Variants in TRHDE observed in about 807,000 individuals in gnomAD.
TRHDE encodes the protein thyrotropin-releasing hormone-degrading ectoenzyme.
Under a neutral mutation model 125.7 loss-of-function variants are expected in TRHDE, and 72 were observed. The ratio of observed to expected loss-of-function variants is 0.57; its 90% CI spans 0.47 to 0.70. The LOEUF (loss-of-function observed/expected upper bound fraction) is 0.70, where lower values mean the gene tolerates loss of function less well. TRHDE is among the 30% of genes least tolerant of loss of function. The probability of loss-of-function intolerance (pLI) is 0.00; values close to 1 mark genes in which losing one functional copy is unlikely to be tolerated. For missense variants in TRHDE, 1,110 were observed against 1,327.1 expected (o/e 0.84, Z 2.54); for synonymous variants, 509 against 509.1 (o/e 1.00, Z 0.00).
intron 2 of TRHDE, among the ~76,000 whole-genome samples, chr12:72,192,988 C>G (rs923464082): frequency 1.3e-5 from 2 of 151,948 alleles, no homozygotes; most frequent in Admixed American, 6.6e-5. Context: ...GATAATTGCA[C>G]ATAAAATACT....
chr12:72,580,824 A>G (rs1014403816), intron 12 of TRHDE, among the ~76,000 whole-genome samples: 28 of 152,160 alleles, frequency 1.8e-4, no homozygotes, highest in African/African-American at 7.2e-5. Flanking sequence ...TGCATTTCTT[A>G]TTTTCAGTGA....
At chr12:72,389,486 A>G (rs902761983) in intron 3 of TRHDE, among the ~76,000 whole-genome samples, 3 of 152,226 alleles carry the variant, frequency 2.0e-5, no homozygotes, top group Admixed American at 6.5e-5. Context: ...TGACTAAACA[A>G]CAGAAGTATA....
intron 2 of TRHDE, among the ~76,000 whole-genome samples, chr12:72,167,810 A>G (rs1876785492): frequency 6.6e-6 from 1 of 152,214 alleles, no homozygotes; most frequent in Admixed American, 6.5e-5. Context: ...ATTATATCAA[A>G]TGTCCTACTT....
intron 12 of TRHDE, among the ~76,000 whole-genome samples, chr12:72,599,418 G>A (rs1012013325): frequency 2.0e-5 from 3 of 152,010 alleles, no homozygotes; most frequent in African/African-American, 7.2e-5. Context: ...TAGCCATTCT[G>A]ACATGTGAGA....
At chr12:72,196,252 C>T (rs912764866) in intron 2 of TRHDE, among the ~76,000 whole-genome samples, 2 of 151,920 alleles carry the variant, frequency 1.3e-5, no homozygotes, top group Non-Finnish European at 2.9e-5. Context: ...CTTTCTAGCT[C>T]CATGAAGAAT....
chr12:72,156,830 A>G (rs1199663435), intron 2 of TRHDE, among the ~76,000 whole-genome samples: 1 of 152,188 alleles, frequency 6.6e-6, no homozygotes, highest in Non-Finnish European at 1.5e-5. Context: ...GGCCCCAAGT[A>G]TAGGGAATGC....
At chr12:72,266,361 T>C (rs1879069456) in intron 2 of TRHDE, among the ~76,000 whole-genome samples, 1 of 151,912 alleles carries the variant, frequency 6.6e-6, no homozygotes, top group Non-Finnish European at 1.5e-5. Flanking sequence ...TTTGGATGCA[T>C]TGAAGAGGTA....
intron 15 of TRHDE, among the ~76,000 whole-genome samples, chr12:72,651,730 G>A (rs1014602102): frequency 6.6e-6 from 1 of 151,858 alleles, no homozygotes; most frequent in South Asian, 2.1e-4. Flanking sequence ...TTGGATCAAA[G>A]TCAAATTTTA....
chr12:72,124,559 T>A (rs980627928), intron 2 of TRHDE, among the ~76,000 whole-genome samples: 6 of 152,182 alleles, frequency 3.9e-5, no homozygotes, highest in Admixed American at 1.3e-4. Context: ...ACGTAAAGTC[T>A]GATAATGTCA....
At chr12:72,318,573 G>A (rs1029796191) in intron 2 of TRHDE, among the ~76,000 whole-genome samples, 7 of 152,050 alleles carry the variant, frequency 4.6e-5, no homozygotes, top group East Asian at 1.9e-4. Flanking sequence ...AGAACACCAC[G>A]GCCCAGCTGT....
intron 6 of TRHDE, among the ~76,000 whole-genome samples, chr12:72,508,517 T>A (rs1246664380): frequency 6.6e-6 from 1 of 152,222 alleles, no homozygotes; most frequent in African/African-American, 2.4e-5. Context: ...TTCAGCCAAT[T>A]TCTCCCTTTT....
At chr12:72,658,060 T>C (rs921642605) in intron 18 of TRHDE, among the ~76,000 whole-genome samples, 1 of 152,148 alleles carries the variant, frequency 6.6e-6, no homozygotes, top group African/African-American at 2.4e-5. Context: ...ACTAACTTGG[T>C]TTCTTTCACA....
chr12:72,158,187 G>A (rs1323204216), intron 2 of TRHDE, among the ~76,000 whole-genome samples: 1 of 151,946 alleles, frequency 6.6e-6, no homozygotes. Context: ...GAGGATATAG[G>A]CAATGAATTT....
chr12:72,207,604 T>A (rs1877695309), intron 2 of TRHDE, among the ~76,000 whole-genome samples: 1 of 152,158 alleles, frequency 6.6e-6, no homozygotes, highest in African/African-American at 2.4e-5. Flanking sequence ...TCTGGTAAAA[T>A]GTCTATGTTG....
At chr12:72,218,550 C>T (rs1266572131) in intron 2 of TRHDE, among the ~76,000 whole-genome samples, 2 of 152,054 alleles carry the variant, frequency 1.3e-5, no homozygotes, top group Non-Finnish European at 2.9e-5. Flanking sequence ...AATATATTCT[C>T]TCAGAATTTT....
chr12:72,660,624 A>G (rs150950105), intron 18 of TRHDE, among the ~76,000 whole-genome samples: 4,175 of 152,284 alleles, frequency 0.027, 104 homozygotes, highest in Non-Finnish European at 0.041. Context: ...TAATGCAACA[A>G]AGAGTAATAT....
chr12:72,512,436 T>TA (rs1291213031), intron 6 of TRHDE, among the ~76,000 whole-genome samples: 14 of 106,140 alleles, frequency 1.3e-4, no homozygotes, highest in Admixed American at 4.2e-4. Context: ...TATTATATAA[T>TA]ATGTTATAAT....
At chr12:72,247,104 T>C (rs1878588887) in intron 2 of TRHDE, among the ~76,000 whole-genome samples, 2 of 152,190 alleles carry the variant, frequency 1.3e-5, no homozygotes, top group African/African-American at 4.8e-5. Context: ...GTCCCTTATA[T>C]AAAATGGTAT....
At chr12:72,189,590 A>G (rs1877297462) in intron 2 of TRHDE, among the ~76,000 whole-genome samples, 1 of 152,220 alleles carries the variant, frequency 6.6e-6, no homozygotes, top group South Asian at 2.1e-4. Context: ...AATTTAAAGA[A>G]AAATGTAGGG....
Sources: gnomAD v4.1 joint callset for allele counts (sites outside exome capture counted in the v4.1 genomes callset) on GRCh38, gnomAD v4.1.1 for gene constraint, MANE v1.5 for transcripts, NCBI Gene and HGNC (gene_info 2026-07-23, HGNC 2026-07-21) for gene names.